The following TTC3 variants were observed in gnomAD, a reference collection of about 807,000 sequenced individuals.
TTC3 encodes E3 ubiquitin-protein ligase TTC3.
Under a neutral mutation model 249.6 loss-of-function variants are expected in TTC3, and 180 were observed. The ratio of observed to expected loss-of-function variants is 0.72; its 90% CI spans 0.64 to 0.82. TTC3 has a LOEUF of 0.82. Among genes scored for constraint, TTC3 ranks in the 40% least tolerant of loss-of-function variants. TTC3 has a pLI of 0.00. For missense variants in TTC3, 2,061 were observed against 2,398.4 expected, an observed-to-expected ratio of 0.86 and a Z score of 2.94; for synonymous variants, 717 against 805.0, an observed-to-expected ratio of 0.89 and a Z score of 1.85.
At chr21:37,097,744 G>A (rs996339747) in intron 10 of TTC3, among the ~76,000 whole-genome samples, 1 of 151,908 alleles carries the variant, frequency 6.6e-6, no homozygotes, top group Non-Finnish European at 1.5e-5. Flanking sequence ...ACAGTTTTGG[G>A]TTTCACAAAT....
At chr21:37,141,103 A>G (rs1458562262) in intron 20 of TTC3, among the ~76,000 whole-genome samples, 1 of 152,192 alleles carries the variant, frequency 6.6e-6, no homozygotes, top group Non-Finnish European at 1.5e-5. Flanking sequence ...TAGGAATATA[A>G]AAGTCTGTCC....
At chr21:37,191,228 G>A (rs1178220849) in intron 39 of TTC3, 106 bp from the exon 40 acceptor site, 2 of 728,578 alleles carry the variant, frequency 2.7e-6, no homozygotes, top group East Asian at 6.6e-5. Context: ...TTGTGTGTAT[G>A]TGATTATGTT....
At chr21:37,164,965 A>G (rs1199197268) in intron 32 of TTC3, among the ~76,000 whole-genome samples, 1 of 151,944 alleles carries the variant, frequency 6.6e-6, no homozygotes, top group Non-Finnish European at 1.5e-5. Flanking sequence ...GTGCTCTTAG[A>G]TCCTTCTTCA....
chr21:37,173,753 T>C (rs916480803), intron 35 of TTC3, among the ~76,000 whole-genome samples: 4 of 152,172 alleles, frequency 2.6e-5, no homozygotes, highest in Non-Finnish European at 5.9e-5. Flanking sequence ...GTAACTGTCA[T>C]AACATTCCCC....
In TTC3 at chr21:37,187,146, G is replaced by T. The variant is rs1275812322; in HGVS notation, c.4923+1G>T. On this transcript the variant is annotated splice_donor_variant, in intron 38 of 45. Coordinates refer to ENST00000355666, the Ensembl canonical transcript of TTC3. LOFTEE classifies it high-confidence loss of function. ...TCATCAGAGAGCTGTGGCTGCAGAG[G>T]TGAGTCCATGACACTTAGTGACCAC... is the stretch of plus-strand genomic sequence containing the variant. 1 of 1,575,892 alleles carries T rather than the reference G, an allele frequency of 6.3e-7. No homozygotes were observed. Among genetic ancestry groups the T allele is most frequent in the South Asian group, 1.2e-5 (1 of 83,338 alleles).
intron 19 of TTC3, 126 bp downstream of exon 19, chr21:37,138,840 T>C (rs1235255697): frequency 1.8e-6 from 1 of 543,578 alleles, no homozygotes; most frequent in East Asian, 3.4e-5. Flanking sequence ...AATATCTCAG[T>C]TTAATTTAGT....
In TTC3 at chr21:37,150,890, AT is replaced by A; in HGVS notation, c.2276+11del. 1 of 1,585,154 alleles carries A rather than the reference AT, an allele frequency of 6.3e-7. No individual in the cohort carries two copies. Among genetic ancestry groups the A allele is most frequent in the Non-Finnish European group, 8.6e-7 (1 of 1,157,836 alleles). ...CTGAAACAGAAATGTTCTAGGTAAG[AT>A]TTTTAACAATCAATCAGTGGTTTGA... On this transcript the variant is annotated splice_region_variant and intron_variant, in intron 25 of 45. Transcript: ENST00000355666.
chr21:37,083,994 G>A (rs938576309), intron 1 of TTC3: 1 of 152,116 alleles, frequency 6.6e-6, no homozygotes, highest in Non-Finnish European at 1.5e-5. Flanking sequence ...GATAATCATG[G>A]ACATTATCAC....
chr21:37,196,388 G>A (rs903640140), intron 42 of TTC3, among the ~76,000 whole-genome samples: 3 of 151,886 alleles, frequency 2.0e-5, no homozygotes, highest in Non-Finnish European at 2.9e-5. Flanking sequence ...AGGCATGCAT[G>A]ACTAAGCCTG....
exon 10 of TTC3, chr21:37,096,609 C>A (rs1353197731): frequency 6.2e-7 from 1 of 1,612,092 alleles, no homozygotes; most frequent in African/African-American, 1.3e-5. Context: ...TTATGGTAAC[C>A]GAGCTCTTTG....
intron 9 of TTC3, 36 bp downstream of exon 9, chr21:37,095,480 A>G (rs775341982): frequency 1.3e-5 from 17 of 1,348,780 alleles, no homozygotes; most frequent in East Asian, 9.6e-5. Flanking sequence ...TGCTTTTTCT[A>G]TGGCACATCA....
chr21:37,167,613 AACG>A, exon 34 of TTC3: 1 of 1,609,676 alleles, frequency 6.2e-7, no homozygotes, highest in South Asian at 1.1e-5. Flanking sequence ...CCTTTTGAGG[AACG>A]ACAAGTGAGT....
chr21:37,161,299 A>G (rs1010933844), intron 30 of TTC3, among the ~76,000 whole-genome samples: 3 of 152,138 alleles, frequency 2.0e-5, no homozygotes, highest in African/African-American at 7.2e-5. Context: ...TTTTTGAGAC[A>G]GGGTCTCCTT....
chr21:37,078,973 G>A (rs2071256431), intron 1 of TTC3, among the ~76,000 whole-genome samples: 1 of 152,168 alleles, frequency 6.6e-6, no homozygotes, highest in Admixed American at 6.5e-5. Context: ...TTAAGTTAGG[G>A]AAGTCTTTTC....
At chr21:37,156,804 G>A (rs775334512) in exon 28 of TTC3, 2 of 1,614,000 alleles carry the variant, frequency 1.2e-6, no homozygotes, top group Non-Finnish European at 1.7e-6. Context: ...CTCTGAGCCA[G>A]CATCATTGAA....
At chr21:37,141,828 T>C (rs1221276423) in intron 20 of TTC3, among the ~76,000 whole-genome samples, 1 of 152,128 alleles carries the variant, frequency 6.6e-6, no homozygotes, top group Non-Finnish European at 1.5e-5. Flanking sequence ...ATATCCCTGA[T>C]GAACATCCAT....
rs756069236 is a variant in TTC3 at position 37,160,795 on chromosome 21, T to C, written c.3040-7T>C. On this transcript the variant is annotated splice_region_variant and splice_polypyrimidine_tract_variant and intron_variant, in intron 29 of 45. Transcript: ENST00000355666. ...AGTGTTCACTGATTTTTCCCCCCAT[T>C]TTTTAGTTTAGTTCAACCAAGGTGA... The C allele has an allele frequency of 6.2e-7, 1 of 1,612,836 alleles. No individual in the cohort carries two copies. Among genetic ancestry groups the C allele is most frequent in the Non-Finnish European group, 8.5e-7 (1 of 1,179,446 alleles).
chr21:37,148,578 T>C (rs773547061), exon 23 of TTC3: 19 of 1,600,456 alleles, frequency 1.2e-5, no homozygotes, highest in Non-Finnish European at 1.5e-5. Flanking sequence ...GCCAGTACTG[T>C]AAAATAGAAT....
At chr21:37,079,835 G>A (rs1360319576) in intron 1 of TTC3, among the ~76,000 whole-genome samples, 1 of 151,928 alleles carries the variant, frequency 6.6e-6, no homozygotes, top group African/African-American at 2.4e-5. Flanking sequence ...CTCGTGGTAT[G>A]GCATTAATTC....
Sources: gnomAD v4.1 joint callset for allele counts (sites outside exome capture counted in the v4.1 genomes callset) on GRCh38, gnomAD v4.1.1 for gene constraint, MANE v1.5 for transcripts, NCBI Gene and HGNC (gene_info 2026-07-23, HGNC 2026-07-21) for gene names.